Variants in FAN1 observed in about 807,000 individuals in gnomAD.
The protein encoded by FAN1 is fanconi-associated nuclease 1.
FAN1 carries 91 observed loss-of-function variants against 104.9 expected under a neutral mutation model. The ratio of observed to expected loss-of-function variants is 0.87; its 90% CI spans 0.73 to 1.03. FAN1 has a LOEUF of 1.03. FAN1 is among the 50% of genes least tolerant of loss of function. FAN1 has a pLI of 0.00. For synonymous variants in FAN1, 478 were observed against 457.6 expected (o/e 1.04, Z -0.57); for missense variants, 1,263 against 1,239.9 (o/e 1.02, Z -0.28).
intron 13 of FAN1, among the ~76,000 whole-genome samples, chr15:30,933,300 C>T (rs2062762683): frequency 6.6e-6 from 1 of 152,168 alleles, no homozygotes; most frequent in African/African-American, 2.4e-5. Flanking sequence ...TTTATCTGAA[C>T]CTCACAAATT....
intron 14 of FAN1, 29 bp downstream of exon 14, chr15:30,937,288 A>G (rs1208089815): frequency 1.9e-6 from 3 of 1,582,030 alleles, no homozygotes; most frequent in African/African-American, 2.7e-5. Context: ...TTGGTCATAC[A>G]TTAATGTAAG....
chr15:30,936,787 G>A (rs542963137), intron 13 of FAN1, among the ~76,000 whole-genome samples: 100 of 152,298 alleles, frequency 6.6e-4, no homozygotes, highest in Non-Finnish European at 1.1e-3. Context: ...ACTGCAAACC[G>A]TAGAGTACTG....
intron 3 of FAN1, among the ~76,000 whole-genome samples, chr15:30,909,057 A>G (rs1406682062): frequency 1.3e-5 from 2 of 152,194 alleles, no homozygotes; most frequent in African/African-American, 2.4e-5. Flanking sequence ...CTATGTGAAC[A>G]CTAAGGAGAG....
chr15:30,934,951 C>CA (rs1178692549), intron 13 of FAN1, among the ~76,000 whole-genome samples: 1 of 152,166 alleles, frequency 6.6e-6, no homozygotes, highest in African/African-American at 2.4e-5. Context: ...TGTATTTACT[C>CA]ATGTACATAG....
chr15:30,904,226 G>T (rs759090316), intron 1 of FAN1, among the ~76,000 whole-genome samples: 1 of 152,224 alleles, frequency 6.6e-6, no homozygotes, highest in Non-Finnish European at 1.5e-5. Context: ...TCATACAGTG[G>T]TCTTGTAAAG....
At chr15:30,922,162 A>T in intron 7 of FAN1, 73 bp from the exon 8 acceptor site, 3 of 1,550,990 alleles carry the variant, frequency 1.9e-6, no homozygotes, top group Admixed American at 2.0e-5. Flanking sequence ...TACCAATCCT[A>T]TGGGCTTGTA....
At position 30,929,383 on chromosome 15, in the gene FAN1, C is replaced by T. The variant is rs746159661; in HGVS notation, c.2773C>T (p.Leu925Phe). 6.2e-7 allele frequency: 1 copy of T among 1,602,902 alleles called. No individual in the cohort carries two copies. The highest frequency in any genetic ancestry group is 1.1e-5 in the South Asian group (1 of 89,790). The change falls in exon 12 of 15, where the codon CTT becomes TTT. Residue 925 changes from leucine to phenylalanine, a missense_variant. Physicochemically the swap from Leu to Phe is conservative, Grantham distance 22 (BLOSUM62 0). Around this residue, in one of 2 missense-constraint regions of FAN1, gnomAD observed 581 missense variants for 668.8 expected, o/e 0.87. Transcript: ENST00000362065. ...SLVSWDRFTS[L>F]QQAQDLVSCL... ...TGTCAGCTGGGATCGCTTCACGTCT[C>T]TTCAGCAAGCTCAGGTAATGGTTCA...
At chr15:30,914,115 A>G (rs2062152612) in intron 5 of FAN1, 24 bp downstream of exon 5, 2 of 1,498,912 alleles carry the variant, frequency 1.3e-6, no homozygotes, top group Non-Finnish European at 1.9e-6. Flanking sequence ...AGCTCACTAT[A>G]ATGTCTATAT....
At chr15:30,940,334 C>G (rs1050226997) in intron 14 of FAN1, 7 of 985,300 alleles carry the variant, frequency 7.1e-6, no homozygotes, top group Non-Finnish European at 8.4e-6. Flanking sequence ...TTCTCCTCAA[C>G]TTTGCTGTCC....
intron 7 of FAN1, 36 bp from the exon 8 acceptor site, chr15:30,922,199 G>T: frequency 6.3e-7 from 1 of 1,591,384 alleles, no homozygotes; most frequent in Non-Finnish European, 8.5e-7. Context: ...GATTTTTTGT[G>T]AATCTAATGA....
intron 5 of FAN1, among the ~76,000 whole-genome samples, chr15:30,917,793 C>A (rs911487385): frequency 2.6e-5 from 4 of 152,176 alleles, no homozygotes; most frequent in African/African-American, 7.2e-5. Flanking sequence ...ATTATCAGAT[C>A]TACATCTGAC....
At chr15:30,916,396 AT>A (rs1317498740) in intron 5 of FAN1, among the ~76,000 whole-genome samples, 1 of 152,214 alleles carries the variant, frequency 6.6e-6, no homozygotes, top group African/African-American at 2.4e-5. Context: ...CTACATGTTC[AT>A]TATTATTTTA....
At chr15:30,905,993 G>A (rs2061970814) in intron 2 of FAN1, 96 bp downstream of exon 2, 1 of 1,176,570 alleles carries the variant, frequency 8.5e-7, no homozygotes, top group African/African-American at 1.5e-5. Flanking sequence ...TGACCGCAAG[G>A]AGTCACTGTG....
At position 30,937,096 on chromosome 15, in the gene FAN1, ACTT is replaced by A. The variant is rs1451278900; in HGVS notation, c.2917-22_2917-20del. On this transcript the variant is annotated intron_variant, in intron 13 of 14. Coordinates refer to ENST00000362065, the MANE Select transcript of FAN1 (RefSeq NM_014967.5). ...TTCATTCAGTAAGATACTAATAACA[ACTT>A]TTAAAAATTTCTTTTCCAGCTGGTG... The A allele has an allele frequency of 6.2e-7, 1 of 1,602,014 alleles. No individual in the cohort carries two copies. The highest frequency in any genetic ancestry group is 1.3e-5 in the African/African-American group (1 of 74,172).
intron 2 of FAN1, 86 bp from the exon 3 acceptor site, chr15:30,908,032 G>A (rs1217521716): frequency 2.7e-6 from 3 of 1,119,032 alleles, no homozygotes; most frequent in Non-Finnish European, 3.8e-6. Context: ...GTAAGCATAT[G>A]TGTATTTCTA....
chr15:30,941,899 A>T lies in FAN1; in HGVS notation c.*337A>T, dbSNP rs1383204368. 13 of 1,613,900 alleles carry T rather than the reference A, an allele frequency of 8.1e-6. No individual in the cohort carries two copies. The highest frequency in any genetic ancestry group is 1.1e-5 in the Non-Finnish European group (13 of 1,179,900). Reference sequence around the variant, plus strand: ...CACCGTGCAGGTTGGCGGGTTTGGAAAACCATTCTCTAAAATACTGCTCCG... The same window carrying T: ...CACCGTGCAGGTTGGCGGGTTTGGATAACCATTCTCTAAAATACTGCTCCG... On this transcript the variant is annotated 3_prime_UTR_variant, in exon 15 of 15. Transcript: ENST00000362065.
At position 30,920,659 on chromosome 15, in the gene FAN1, A is replaced by G; in HGVS notation, c.2052+6A>G. 1 of 1,538,350 alleles carries G rather than the reference A, an allele frequency of 6.5e-7. No individual in the cohort carries two copies. Among genetic ancestry groups the G allele is most frequent in the Non-Finnish European group, 9.0e-7 (1 of 1,116,496 alleles). Reference sequence around the variant, plus strand: ...AGAGACTTCACATGTATGAGGTTAGAGCACAGGTCCCTGCCCCCCACCATT... The same window carrying G: ...AGAGACTTCACATGTATGAGGTTAGGGCACAGGTCCCTGCCCCCCACCATT... On this transcript the variant is annotated splice_donor_region_variant and intron_variant, in intron 7 of 14. Coordinates refer to ENST00000362065, the MANE Select transcript of FAN1 (RefSeq NM_014967.5).
At chr15:30,926,026 CCT>C (rs757951271) in intron 10 of FAN1, 87 bp downstream of exon 10, 84 of 1,342,906 alleles carry the variant, frequency 6.3e-5, no homozygotes, top group Non-Finnish European at 7.9e-5. Context: ...GGGCTGCTGT[CCT>C]CTCTCTGTCC....
At chr15:30,917,843 T>G (rs1325931480) in intron 5 of FAN1, among the ~76,000 whole-genome samples, 2 of 152,342 alleles carry the variant, frequency 1.3e-5, no homozygotes, top group East Asian at 3.9e-4. Flanking sequence ...TGTCATATTG[T>G]TGAATGAGTG....
Sources: gnomAD v4.1 joint callset for allele counts (sites outside exome capture counted in the v4.1 genomes callset) on GRCh38, gnomAD v4.1.1 for gene constraint, gnomAD v4.1.1 regional missense constraint, MANE v1.5 for transcripts, NCBI Gene and HGNC (gene_info 2026-07-23, HGNC 2026-07-21) for gene names.